Variants in CD1B observed in about 807,000 individuals in gnomAD.
CD1B encodes the protein T-cell surface glycoprotein CD1b.
Under a neutral mutation model 39.8 loss-of-function variants are expected in CD1B, and 43 were observed. The ratio of observed to expected loss-of-function variants is 1.08; its 90% CI spans 0.85 to 1.39. The LOEUF (loss-of-function observed/expected upper bound fraction) is 1.39, where lower values mean the gene tolerates loss of function less well. Among genes scored for constraint, CD1B ranks in the 40% most tolerant of loss-of-function variants. CD1B has a pLI of 0.00. For missense variants in CD1B, 495 were observed against 403.8 expected, an observed-to-expected ratio of 1.23 and a Z score of -1.94; for synonymous variants, 192 against 152.5, an observed-to-expected ratio of 1.26 and a Z score of -1.91.
chr1:158,314,926 G>A, the CD1B span, among the ~76,000 whole-genome samples: 7 of 147,956 alleles, frequency 4.7e-5, no homozygotes, highest in East Asian at 2.0e-4. Context: ...TTGTTCTTGC[G>A]ATAGTTTACT....
chr1:158,316,979 G>T, the CD1B span, among the ~76,000 whole-genome samples: 1 of 151,266 alleles, frequency 6.6e-6, no homozygotes, highest in Non-Finnish European at 1.5e-5. Context: ...TGCGTATATT[G>T]AACCAGCCTT....
chr1:158,313,253 A>C, the CD1B span, among the ~76,000 whole-genome samples: 2 of 151,848 alleles, frequency 1.3e-5, no homozygotes, highest in Non-Finnish European at 2.9e-5. Flanking sequence ...GTTTGCTAGC[A>C]TTTTCTTGAG....
the CD1B span, among the ~76,000 whole-genome samples, chr1:158,310,350 T>C: frequency 6.6e-6 from 1 of 152,130 alleles, no homozygotes; most frequent in African/African-American, 2.4e-5. Flanking sequence ...ATGTAAAACC[T>C]AAAACTACAG....
the CD1B span, among the ~76,000 whole-genome samples, chr1:158,298,042 T>C: frequency 6.6e-6 from 1 of 151,730 alleles, no homozygotes; most frequent in Non-Finnish European, 1.5e-5. Context: ...AACTAAAGGA[T>C]GGCAAAAAAT....
Position 158,329,529 on chromosome 1 carries a change from G to T in CD1B, c.727C>A (p.Gln243Lys). The T allele has an allele frequency of 6.2e-6, 10 of 1,613,974 alleles. No homozygotes were observed. Among genetic ancestry groups the T allele is most frequent in the Non-Finnish European group, 8.5e-6 (10 of 1,179,998 alleles). ...PVWVMWMRGE[Q>K]EQQGTQLGDI... ...CCTAGCTGAGTGCCCTGCTGCTCCT[G>T]CTCACCCCGCATCCACATCACCCAC... The change falls in exon 4 of 6, where the codon CAG becomes AAG. Residue 243 changes from glutamine (Q) to lysine (K), a missense_variant. Coordinates refer to ENST00000368168, the MANE Select transcript of CD1B (RefSeq NM_001764.3).
chr1:158,289,059 G>T, the CD1B span, among the ~76,000 whole-genome samples: 2 of 152,212 alleles, frequency 1.3e-5, no homozygotes, highest in Admixed American at 6.5e-5. Flanking sequence ...TAGTTGAGAT[G>T]CATGCTGTTC....
At chr1:158,319,672 C>T in the CD1B span, among the ~76,000 whole-genome samples, 2 of 152,338 alleles carry the variant, frequency 1.3e-5, no homozygotes, top group South Asian at 4.1e-4. Context: ...TCGTCAAAGT[C>T]GTTCTCTGTC....
chr1:158,293,864 A>G, the CD1B span, among the ~76,000 whole-genome samples: 5,177 of 152,284 alleles, frequency 0.034, 285 homozygotes, highest in African/African-American at 0.12. Context: ...TGCATATGAT[A>G]GGCTCAGTGA....
chr1:158,292,325 G>A, the CD1B span: 1 of 1,614,120 alleles, frequency 6.2e-7, no homozygotes, highest in Admixed American at 1.7e-5. Context: ...GATTTCTCTT[G>A]GGTCTCCTGG....
intron 2 of CD1B, 120 bp from the exon 3 acceptor site, chr1:158,330,250 A>G: frequency 1.2e-6 from 1 of 867,646 alleles, no homozygotes; most frequent in Non-Finnish European, 1.8e-6. Context: ...AATGATGATG[A>G]GCTAAAAACT....
At chr1:158,330,732 C>G in intron 2 of CD1B, 64 bp downstream of exon 2, 1 of 1,528,876 alleles carries the variant, frequency 6.5e-7, no homozygotes, top group Non-Finnish European at 9.1e-7. Context: ...GAGAGCAACA[C>G]TTTGCAAAAA....
the CD1B span, chr1:158,293,540 T>G: frequency 1.4e-5 from 23 of 1,613,942 alleles, no homozygotes; most frequent in Non-Finnish European, 1.9e-5. Context: ...TAGTACAATA[T>G]AGTGATGCCA....
the CD1B span, among the ~76,000 whole-genome samples, chr1:158,299,443 A>G: frequency 2.0e-5 from 3 of 152,128 alleles, no homozygotes; most frequent in Non-Finnish European, 4.4e-5. Flanking sequence ...ATTTTGCATC[A>G]GTGTTCATCG....
chr1:158,294,670 A>C, the CD1B span, among the ~76,000 whole-genome samples: 1 of 152,182 alleles, frequency 6.6e-6, no homozygotes, highest in Non-Finnish European at 1.5e-5. Flanking sequence ...AAGCACACCA[A>C]CAACCTGGCA....
downstream of CD1B, among the ~76,000 whole-genome samples, chr1:158,323,827 G>A (rs1191291344): frequency 1.3e-5 from 2 of 152,176 alleles, no homozygotes; most frequent in Non-Finnish European, 2.9e-5. Flanking sequence ...GAGGAAGCTG[G>A]CCAGGGACCT....
the CD1B span, among the ~76,000 whole-genome samples, chr1:158,316,119 T>G: frequency 1.3e-5 from 2 of 151,974 alleles, no homozygotes; most frequent in Admixed American, 6.6e-5. Context: ...TCTTTTGGCT[T>G]ACGATTGACT....
intron 2 of CD1B, chr1:158,330,455 T>C: frequency 1.8e-6 from 1 of 551,718 alleles, no homozygotes; most frequent in Non-Finnish European, 3.3e-6. Flanking sequence ...AGGAGATGAT[T>C]GAAAAGATGG....
At chr1:158,312,173 T>C in the CD1B span, among the ~76,000 whole-genome samples, 1 of 152,280 alleles carries the variant, frequency 6.6e-6, no homozygotes, top group Admixed American at 6.5e-5. Context: ...CCAAATCTCA[T>C]CTTGTAGCCA....
chr1:158,300,762 T>TC, the CD1B span, among the ~76,000 whole-genome samples: 86 of 130,114 alleles, frequency 6.6e-4, no homozygotes, highest in African/African-American at 3.1e-3. Context: ...CTCTCTCTCT[T>TC]TTTTTTTTTT....
Sources: allele counts gnomAD v4.1 joint callset (sites outside exome capture counted in the v4.1 genomes callset), GRCh38; gene constraint gnomAD v4.1.1; transcripts MANE v1.5; gene names NCBI Gene and HGNC (gene_info 2026-07-23, HGNC 2026-07-21).